The following GABRB3 variants were observed in gnomAD, a reference collection of about 807,000 sequenced individuals.
The protein encoded by GABRB3 is gamma-aminobutyric acid type A receptor subunit beta3.
A neutral mutation model predicts 52.1 loss-of-function variants in GABRB3; 14 were observed. The ratio of observed to expected loss-of-function variants is 0.27; its 90% CI spans 0.18 to 0.42. The LOEUF (loss-of-function observed/expected upper bound fraction) is 0.42, where lower values mean the gene tolerates loss of function less well. Ranked by LOEUF, GABRB3 falls within the 10% of genes least tolerant of loss-of-function variation. GABRB3 has a pLI of 1.00. For missense variants in GABRB3, 307 were observed against 609.1 expected (o/e 0.50, Z 5.22); for synonymous variants, 260 against 232.3 (o/e 1.12, Z -1.08).
At chr15:26,700,699 A>C (rs1252693181) in intron 3 of GABRB3, among the ~76,000 whole-genome samples, 4 of 152,358 alleles carry the variant, frequency 2.6e-5, no homozygotes, top group South Asian at 4.1e-4. Flanking sequence ...AAGAAAAAAA[A>C]TTGGTTGATC....
chr15:26,634,989 T>TAA (rs1893012777), intron 3 of GABRB3, among the ~76,000 whole-genome samples: 1 of 4,850 alleles, frequency 2.1e-4, no homozygotes, highest in South Asian at 0.12. Flanking sequence ...TCTCTAAATA[T>TAA]ATATATATAT....
At chr15:26,605,597 A>G (rs966035369) in intron 4 of GABRB3, among the ~76,000 whole-genome samples, 6 of 152,220 alleles carry the variant, frequency 3.9e-5, no homozygotes, top group Non-Finnish European at 7.3e-5. Flanking sequence ...AGTCATAAAA[A>G]TGAATGAGAT....
chr15:26,653,837 C>A (rs1404893783), intron 3 of GABRB3, among the ~76,000 whole-genome samples: 1 of 152,150 alleles, frequency 6.6e-6, no homozygotes, highest in Non-Finnish European at 1.5e-5. Context: ...AAACAGGAAG[C>A]ATGTAGAAAC....
intron 3 of GABRB3, among the ~76,000 whole-genome samples, chr15:26,633,355 A>G (rs900098359): frequency 4.6e-5 from 7 of 152,174 alleles, no homozygotes; most frequent in Non-Finnish European, 1.5e-5. Flanking sequence ...CCACCCTTCC[A>G]GTGCTCCAGG....
chr15:26,559,241 C>T, intron 8 of GABRB3, among the ~76,000 whole-genome samples: 1 of 152,188 alleles, frequency 6.6e-6, no homozygotes, highest in East Asian at 1.9e-4. Context: ...GATGATCTGG[C>T]TGTTTCAAAG....
At chr15:26,624,256 G>T in intron 3 of GABRB3, 1 of 985,718 alleles carries the variant, frequency 1.0e-6, no homozygotes, top group Non-Finnish European at 1.2e-6. Context: ...GCAAAGTTGT[G>T]GTTTCACAAC....
chr15:26,571,938 T>A (rs1890414906), intron 6 of GABRB3, among the ~76,000 whole-genome samples: 1 of 148,810 alleles, frequency 6.7e-6, no homozygotes, highest in African/African-American at 2.5e-5. Context: ...ATCCCAGCAC[T>A]CAAGAGGCTG....
intron 3 of GABRB3, among the ~76,000 whole-genome samples, chr15:26,645,926 G>C (rs1893335011): frequency 6.6e-6 from 1 of 150,814 alleles, no homozygotes; most frequent in African/African-American, 2.4e-5. Context: ...CGTGGCACAA[G>C]AAGATTAAAA....
intron 3 of GABRB3, among the ~76,000 whole-genome samples, chr15:26,694,111 T>A (rs926826215): frequency 6.6e-6 from 1 of 152,194 alleles, no homozygotes. Flanking sequence ...AATTAAAAAA[T>A]TTTTATAAAA....
chr15:26,637,487 T>C (rs1177607969), intron 3 of GABRB3, among the ~76,000 whole-genome samples: 6 of 152,232 alleles, frequency 3.9e-5, no homozygotes, highest in African/African-American at 1.4e-4. Flanking sequence ...TAGATGTATC[T>C]GCAGCATCTA....
At chr15:26,666,798 T>C (rs1295941434) in intron 3 of GABRB3, 1 of 152,254 alleles carries the variant, frequency 6.6e-6, no homozygotes, top group East Asian at 1.9e-4. Flanking sequence ...TAGCCAGAGT[T>C]GCTCTCAAAG....
chr15:26,584,065 C>T (rs568146881), intron 4 of GABRB3, among the ~76,000 whole-genome samples: 16 of 152,198 alleles, frequency 1.1e-4, no homozygotes, highest in African/African-American at 2.9e-4. Context: ...CGTGAGCCAC[C>T]GCACCTGGCC....
intron 3 of GABRB3, among the ~76,000 whole-genome samples, chr15:26,628,717 A>C (rs899431835): frequency 4.6e-4 from 31 of 67,256 alleles, no homozygotes; most frequent in South Asian, 1.6e-3. Flanking sequence ...ACAAAACAAA[A>C]AACCAACCAG....
At chr15:26,717,202 CTGGGGA>C (rs1183954076) in intron 3 of GABRB3, among the ~76,000 whole-genome samples, 5 of 150,498 alleles carry the variant, frequency 3.3e-5, no homozygotes, top group Non-Finnish European at 7.4e-5. Flanking sequence ...CAGCCCAGCT[CTGGGGA>C]CCTCCACTCA....
intron 3 of GABRB3, chr15:26,624,468 G>A: frequency 2.0e-6 from 2 of 985,496 alleles, no homozygotes; most frequent in Non-Finnish European, 2.4e-6. Context: ...AGAAGGGAGA[G>A]AACTTGTCAG....
intron 3 of GABRB3, among the ~76,000 whole-genome samples, chr15:26,703,035 T>G (rs1346453143): frequency 6.6e-6 from 1 of 152,140 alleles, no homozygotes; most frequent in African/African-American, 2.4e-5. Context: ...GCAAGAAATC[T>G]TTCTCCAGTC....
chr15:26,637,066 G>A (rs939272173), intron 3 of GABRB3, among the ~76,000 whole-genome samples: 11 of 152,104 alleles, frequency 7.2e-5, no homozygotes, highest in African/African-American at 2.7e-4. Context: ...CCCTACAGTG[G>A]CTCCCTGCCT....
At chr15:26,588,797 T>C (rs1020869333) in intron 4 of GABRB3, among the ~76,000 whole-genome samples, 1 of 152,234 alleles carries the variant, frequency 6.6e-6, no homozygotes, top group African/African-American at 2.4e-5. Context: ...ATGCTATTCC[T>C]ACAGTAATTA....
chr15:26,560,579 GCA>G (rs745682703), intron 8 of GABRB3, among the ~76,000 whole-genome samples: 1 of 152,152 alleles, frequency 6.6e-6, no homozygotes, highest in Admixed American at 6.5e-5. Flanking sequence ...TGACTGTTGG[GCA>G]TGCTTTACCT....
Sources: gnomAD v4.1 joint callset for allele counts (sites outside exome capture counted in the v4.1 genomes callset) on GRCh38, gnomAD v4.1.1 for gene constraint, MANE v1.5 for transcripts, NCBI Gene and HGNC (gene_info 2026-07-23, HGNC 2026-07-21) for gene names.